Variants in SLC9A8 observed in about 807,000 individuals in gnomAD.
SLC9A8 encodes the protein sodium/hydrogen exchanger 8.
In SLC9A8, 48 loss-of-function variants were observed where a neutral mutation model predicts 66.6. That is an observed-to-expected ratio of 0.72 (90% CI 0.57 to 0.92). The LOEUF (loss-of-function observed/expected upper bound fraction) is 0.92, where lower values mean the gene tolerates loss of function less well. Among genes scored for constraint, SLC9A8 ranks in the 40% least tolerant of loss-of-function variants. SLC9A8 has a pLI of 0.00. For synonymous variants in SLC9A8, 274 were observed against 282.6 expected (o/e 0.97, Z 0.31); for missense variants, 599 against 747.3 (o/e 0.80, Z 2.31).
chr20:49,850,768 T>G, intron 6 of SLC9A8, 42 bp from the exon 7 acceptor site: 1 of 1,602,848 alleles, frequency 6.2e-7, no homozygotes, highest in Non-Finnish European at 8.5e-7. Context: ...CCAGGGTTTT[T>G]TTTTTGTGTG....
chr20:49,887,636 C>T (rs1014263208), intron 15 of SLC9A8, among the ~76,000 whole-genome samples, 193 bp from the exon 16 acceptor site: 10 of 152,172 alleles, frequency 6.6e-5, no homozygotes, highest in African/African-American at 2.4e-5. Flanking sequence ...TGAATGACAC[C>T]TCCCGTGACC....
At chr20:49,877,924 T>C in intron 11 of SLC9A8, 57 bp from the exon 12 acceptor site, 2 of 1,200,682 alleles carry the variant, frequency 1.7e-6, no homozygotes, top group Non-Finnish European at 2.4e-6. Context: ...AATAGTTTAG[T>C]ACCATATTGG....
At chr20:49,830,114 C>T (rs771640542) in intron 3 of SLC9A8, 1 of 743,904 alleles carries the variant, frequency 1.3e-6, no homozygotes, top group Non-Finnish European at 2.5e-6. Context: ...AACAAGCCAT[C>T]TCTGTCTGTT....
In SLC9A8 at chr20:49,888,713, C is replaced by G. The variant is rs569411818; in HGVS notation, c.*777C>G. 12 of 152,760 alleles carry G rather than the reference C, an allele frequency of 7.9e-5. No homozygotes were observed. In the East Asian group the frequency reaches 2.1e-3, roughly 27 times the overall value. 9.5% of individuals were successfully genotyped at this position (152,760 alleles called of 1,614,324 possible). A position where few individuals can be genotyped will look rare whatever the true frequency, so the allele number is the denominator to read the frequency against. ...TAGAGGCACAGGGTTTCTGCCGGCC[C>G]ACAACTGCTGTCTTGATTTGCATTT... On this transcript the variant is annotated 3_prime_UTR_variant, in exon 16 of 16. Transcript: ENST00000361573.
At position 49,843,446 on chromosome 20, in the gene SLC9A8, G is replaced by T. The variant is rs188339771; in HGVS notation, c.349-1590G>T. Among the ~76,000 whole-genome samples, 18 of 152,202 alleles carry T rather than the reference G, an allele frequency of 1.2e-4. No homozygotes were observed. In the East Asian group the frequency reaches 3.5e-3, roughly 29 times the overall value. Reference sequence around the variant, plus strand: ...TCTTTTAGTCTTTATGGTAACAGCTGTACATTTGTAAGAATACATTTAGGC... The same window carrying T: ...TCTTTTAGTCTTTATGGTAACAGCTTTACATTTGTAAGAATACATTTAGGC... On this transcript the variant is annotated intron_variant, in intron 4 of 15. Transcript: ENST00000361573.
intron 3 of SLC9A8, among the ~76,000 whole-genome samples, chr20:49,827,476 C>T (rs953866833): frequency 2.6e-5 from 4 of 151,398 alleles, no homozygotes; most frequent in Admixed American, 1.3e-4. Flanking sequence ...TGGTGGTGCA[C>T]GCCTATAGTC....
At chr20:49,858,260 T>C (rs185408978) in intron 8 of SLC9A8, among the ~76,000 whole-genome samples, 138 of 152,168 alleles carry the variant, frequency 9.1e-4, no homozygotes, top group Non-Finnish European at 1.8e-3. Context: ...CAGAAATTTC[T>C]ATAGCTTTAT....
At chr20:49,816,847 G>A (rs1041408392) in intron 2 of SLC9A8, among the ~76,000 whole-genome samples, 2 of 151,892 alleles carry the variant, frequency 1.3e-5, no homozygotes, top group Non-Finnish European at 2.9e-5. Context: ...TCCTGCCTCA[G>A]CCTCCCAAGT....
intron 4 of SLC9A8, among the ~76,000 whole-genome samples, chr20:49,841,055 A>G (rs1234682093): frequency 9.9e-5 from 15 of 152,180 alleles, no homozygotes; most frequent in Admixed American, 9.8e-4. Flanking sequence ...CTGTAATCCC[A>G]GAATTTTGAG....
intron 13 of SLC9A8, among the ~76,000 whole-genome samples, chr20:49,882,966 T>C (rs2089685682): frequency 6.6e-6 from 1 of 151,654 alleles, no homozygotes; most frequent in Non-Finnish European, 1.5e-5. Flanking sequence ...CGCTTTCCTG[T>C]CTGGGGAAGG....
chr20:49,862,981 A>G lies in SLC9A8; in HGVS notation c.766A>G (p.Thr256Ala). 6.2e-7 allele frequency: 1 copy of G among 1,613,906 alleles called. No homozygotes were observed. Among genetic ancestry groups the G allele is most frequent in the Non-Finnish European group, 8.5e-7 (1 of 1,179,792 alleles). ...KNMSDVSGWQTFLQALDYFLK... is the reference protein window; with the variant it reads ...KNMSDVSGWQAFLQALDYFLK... ...TATGTCAGATGTCAGTGGGTGGCAA[A>G]CATTTTTACAAGCCCTTGACTACTT... The change falls in exon 9 of 16, where the codon ACA (threonine) becomes GCA (alanine). Residue 256 changes from threonine (T) to alanine (A), a missense_variant. This residue lies in a region of SLC9A8 where 467 missense variants were observed against 626.5 expected (regional missense o/e 0.75). Coordinates refer to ENST00000361573, the MANE Select transcript of SLC9A8 (RefSeq NM_015266.3).
In SLC9A8 at chr20:49,889,000, A is replaced by C. The variant is rs2089983396; in HGVS notation, c.*1064A>C. On this transcript the variant is annotated 3_prime_UTR_variant, in exon 16 of 16. Coordinates refer to ENST00000361573, the MANE Select transcript of SLC9A8 (RefSeq NM_015266.3). ...GGCAGGGGCCAGAGCAGCAGCACCC[A>C]GTGCTCCCTCCTCTACTCTGACCTG... The C allele has an allele frequency of 6.6e-6, 1 of 152,344 alleles. No homozygotes were observed. Among genetic ancestry groups the C allele is most frequent in the African/African-American group, 2.4e-5 (1 of 41,438 alleles). 9.4% of individuals were successfully genotyped at this position (152,344 alleles called of 1,614,324 possible).
intron 13 of SLC9A8, among the ~76,000 whole-genome samples, chr20:49,881,336 G>A (rs2146753170): frequency 6.6e-6 from 1 of 150,806 alleles, no homozygotes; most frequent in Non-Finnish European, 1.5e-5. Flanking sequence ...AGCTGGGCGT[G>A]CTTCAGCGCC....
intron 3 of SLC9A8, among the ~76,000 whole-genome samples, chr20:49,833,571 G>C (rs1443135644): frequency 6.6e-6 from 1 of 152,190 alleles, no homozygotes; most frequent in Non-Finnish European, 1.5e-5. Context: ...GTGAGCGAGC[G>C]AGCATTGGCA....
At chr20:49,852,222 A>ATC (rs1292105999) in intron 7 of SLC9A8, among the ~76,000 whole-genome samples, 1 of 152,200 alleles carries the variant, frequency 6.6e-6, no homozygotes, top group East Asian at 1.9e-4. Flanking sequence ...ACCCTGTATG[A>ATC]AGGGACAGCC....
At chr20:49,820,727 G>A (rs2086706941) in intron 2 of SLC9A8, among the ~76,000 whole-genome samples, 1 of 151,728 alleles carries the variant, frequency 6.6e-6, no homozygotes, top group Admixed American at 6.6e-5. Context: ...TGTATTTTTA[G>A]TAGAGACGGC....
Position 49,886,785 on chromosome 20 carries a change from C to A in SLC9A8, c.1525C>A (p.Leu509Ile), listed in dbSNP as rs1306391264. The A allele has an allele frequency of 2.5e-6, 4 of 1,614,142 alleles. No individual in the cohort carries two copies. Among genetic ancestry groups the A allele is most frequent in the Non-Finnish European group, 2.5e-6 (3 of 1,180,008 alleles). ...TGTGGAGTCGGAGCACCTGTCGGAG[C>A]TCACGGAGGAGGAGTACGAGGCCCA... ...NTVESEHLSE[L>I]TEEEYEAHYI... is the part of the protein sequence containing the mutation. Residue 509 changes from leucine (L) to isoleucine (I), a missense_variant, in exon 15 of 16, where the codon CTC (leucine) becomes ATC (isoleucine). Physicochemically the swap from Leu to Ile is conservative, Grantham distance 5 (BLOSUM62 2). Around this residue, in one of 2 missense-constraint regions of SLC9A8, gnomAD observed 467 missense variants for 626.5 expected, o/e 0.75. Coordinates refer to ENST00000361573, the MANE Select transcript of SLC9A8 (RefSeq NM_015266.3). The surrounding 1 kb of genome is among the most constrained non-coding windows in gnomAD (Gnocchi z 4.8).
chr20:49,847,592 A>C (rs1027344692), intron 5 of SLC9A8, among the ~76,000 whole-genome samples: 7 of 152,094 alleles, frequency 4.6e-5, no homozygotes, highest in African/African-American at 1.4e-4. Flanking sequence ...GTAAAGTTTG[A>C]ATATTTTATT....
At chr20:49,870,873 T>G (rs1214804384) in intron 10 of SLC9A8, among the ~76,000 whole-genome samples, 4 of 152,128 alleles carry the variant, frequency 2.6e-5, no homozygotes, top group Admixed American at 2.0e-4. Context: ...CAACTAGTTT[T>G]GTATTTTTTG....
Sources: gnomAD v4.1 joint callset for allele counts (sites outside exome capture counted in the v4.1 genomes callset) on GRCh38, gnomAD v4.1.1 for gene constraint, gnomAD v4.1.1 regional missense constraint, Gnocchi (gnomAD v3.1) non-coding constraint, MANE v1.5 for transcripts, NCBI Gene and HGNC (gene_info 2026-07-23, HGNC 2026-07-21) for gene names.